The following ADAM9 variants were observed in gnomAD, a reference collection of about 807,000 sequenced individuals.
The protein encoded by ADAM9 is ADAM metallopeptidase domain 9.
ADAM9 carries 54 observed loss-of-function variants against 108.1 expected under a neutral mutation model. That is an observed-to-expected ratio of 0.50 (90% confidence interval 0.40 to 0.63). The LOEUF (loss-of-function observed/expected upper bound fraction) is 0.63. Among genes scored for constraint, ADAM9 ranks in the 20% least tolerant of loss-of-function variants. The pLI, the probability that ADAM9 is intolerant of heterozygous loss-of-function variation, is 0.00. For missense variants in ADAM9, 830 were observed against 997.7 expected (o/e 0.83, Z 2.26); for synonymous variants, 316 against 336.0 (o/e 0.94, Z 0.65).
intron 12 of ADAM9, among the ~76,000 whole-genome samples, chr8:39,045,315 CA>C (rs1588377310): frequency 6.9e-6 from 1 of 144,544 alleles, no homozygotes; most frequent in East Asian, 2.1e-4. Flanking sequence ...TGTGTGTGTA[CA>C]CCTATACATG....
intron 1 of ADAM9, 25 bp from the exon 2 acceptor site, chr8:39,007,856 TTATTA>T: frequency 6.7e-7 from 1 of 1,483,618 alleles, no homozygotes; most frequent in South Asian, 1.1e-5. Context: ...TCAGTTTCAC[TTATTA>T]TATTTGTTTT....
At chr8:39,087,650 T>C (rs934638196) in intron 18 of ADAM9, among the ~76,000 whole-genome samples, 1 of 152,242 alleles carries the variant, frequency 6.6e-6, no homozygotes, top group Non-Finnish European at 1.5e-5. Flanking sequence ...TAATAAATGA[T>C]ACATTTGTGT....
intron 15 of ADAM9, among the ~76,000 whole-genome samples, chr8:39,074,429 C>T (rs886731562): frequency 6.6e-6 from 1 of 152,058 alleles, no homozygotes; most frequent in South Asian, 2.1e-4. Context: ...CAGACCAAGA[C>T]ATTATTAATG....
At chr8:39,045,073 T>C (rs1326035673) in intron 12 of ADAM9, among the ~76,000 whole-genome samples, 2 of 31,962 alleles carry the variant, frequency 6.3e-5, no homozygotes, top group Non-Finnish European at 1.1e-4. Flanking sequence ...TACATACATA[T>C]GTGTGTGTGC....
intron 16 of ADAM9, among the ~76,000 whole-genome samples, chr8:39,079,829 C>A (rs1838965009): frequency 6.6e-6 from 1 of 152,212 alleles, no homozygotes; most frequent in South Asian, 2.1e-4. Context: ...AAGTGATCTG[C>A]CTGCCTTGGC....
rs949485820 is a variant in ADAM9, at chr8:39,083,084, T to C, written c.2068+11T>C. ...GACCTACATACAATGGCAAGTAATA[T>C]AGAAGAAAATTAGTGTGATCTCCCA... is the stretch of plus-strand genomic sequence containing the variant. On this transcript the variant is annotated intron_variant, in intron 18 of 21. Transcript: ENST00000487273. 10 of 1,608,440 alleles carry C rather than the reference T, an allele frequency of 6.2e-6. No homozygotes were observed. Among genetic ancestry groups the C allele is most frequent in the Admixed American group, 1.7e-5 (1 of 59,946 alleles).
chr8:39,100,207 C>T (rs1222838780), intron 20 of ADAM9, among the ~76,000 whole-genome samples: 9 of 151,620 alleles, frequency 5.9e-5, no homozygotes, highest in Non-Finnish European at 8.8e-5. Flanking sequence ...AAGATTCAGT[C>T]GGCTGGGCGC....
chr8:39,045,321 T>C (rs111216004), intron 12 of ADAM9, among the ~76,000 whole-genome samples: 31,863 of 101,780 alleles, frequency 0.31, 7,238 homozygotes, highest in East Asian at 0.7. Context: ...TGTACACCTA[T>C]ACATGTGTGT....
At chr8:39,010,649 A>G (rs1395794893) in intron 2 of ADAM9, among the ~76,000 whole-genome samples, 3 of 152,226 alleles carry the variant, frequency 2.0e-5, no homozygotes, top group Admixed American at 6.5e-5. Flanking sequence ...GGCTAATGAC[A>G]TGGTGAATTG....
chr8:39,091,321 C>G lies in ADAM9; in HGVS notation c.2273C>G (p.Ser758Cys). The change falls in exon 20 of 22, where the codon TCT becomes TGT. Residue 758 changes from serine (S) to cysteine (C), a missense_variant. Around this residue, in one of 3 missense-constraint regions of ADAM9, gnomAD observed 238 missense variants for 235.7 expected, o/e 1.01. Coordinates refer to ENST00000487273, the MANE Select transcript of ADAM9 (RefSeq NM_003816.3). ...RQPGSVPRHV[S>C]PVTPPREVPI... ...CCGGGGAGTGTTCCTCGACATGTTT[C>G]TCCAGTGACACCTCCCAGAGAAGTT... The G allele has an allele frequency of 6.2e-7, 1 of 1,614,084 alleles. No individual in the cohort carries two copies. Among genetic ancestry groups the G allele is most frequent in the Non-Finnish European group, 8.5e-7 (1 of 1,179,978 alleles).
intron 11 of ADAM9, among the ~76,000 whole-genome samples, chr8:39,028,205 A>C (rs912862013): frequency 6.6e-5 from 10 of 152,228 alleles, no homozygotes; most frequent in African/African-American, 2.4e-4. Flanking sequence ...ACTTCTGTCA[A>C]CCAGCCTTTC....
At chr8:39,013,026 C>T (rs1191648202) in intron 3 of ADAM9, among the ~76,000 whole-genome samples, 1 of 152,106 alleles carries the variant, frequency 6.6e-6, no homozygotes, top group Non-Finnish European at 1.5e-5. Context: ...ATTTATGAAT[C>T]ACTAGTTAGC....
At chr8:39,079,419 A>G (rs1022272824) in intron 16 of ADAM9, among the ~76,000 whole-genome samples, 1 of 151,538 alleles carries the variant, frequency 6.6e-6, no homozygotes, top group African/African-American at 2.4e-5. Flanking sequence ...GCATCTTTCC[A>G]TGTCTTTATT....
chr8:39,102,337 G>T (rs1450116400), intron 21 of ADAM9, among the ~76,000 whole-genome samples: 1 of 152,204 alleles, frequency 6.6e-6, no homozygotes, highest in Non-Finnish European at 1.5e-5. Flanking sequence ...TGGGGGTAAG[G>T]TCAGGAGAGG....
At chr8:39,026,030 C>G in intron 10 of ADAM9, 146 bp downstream of exon 10, 3 of 773,554 alleles carry the variant, frequency 3.9e-6, no homozygotes, top group Non-Finnish European at 6.6e-6. Flanking sequence ...GGGTTCTTTC[C>G]CCAGAGACTG....
chr8:39,055,832 T>C lies in ADAM9; in HGVS notation c.1591+60T>C, dbSNP rs533873253. On this transcript the variant is annotated intron_variant, in intron 14 of 21. Coordinates refer to ENST00000487273, the MANE Select transcript of ADAM9 (RefSeq NM_003816.3). ...TATTATTTATTTTTGATTTAGATAT[T>C]TTAAAAAAGGTAATGAAACATTATT... The C allele has an allele frequency of 3.3e-6, 5 of 1,503,788 alleles. No individual in the cohort carries two copies. The South Asian group carries it at 5.9e-5, about 18-fold the overall frequency. The allele number at this position is 1,503,788 out of a possible 1,614,324, so 93.2% of individuals were successfully genotyped here. A position where few individuals can be genotyped will look rare whatever the true frequency, so the allele number is the denominator to read the frequency against.
intron 18 of ADAM9, among the ~76,000 whole-genome samples, chr8:39,089,126 G>A (rs60445962): frequency 7.8e-4 from 118 of 152,228 alleles, no homozygotes; most frequent in African/African-American, 2.7e-3. Flanking sequence ...GCGCATACCT[G>A]TAATCCCAGC....
chr8:39,008,065 G>C, intron 2 of ADAM9, 82 bp downstream of exon 2: 1 of 1,019,346 alleles, frequency 9.8e-7, no homozygotes, highest in Non-Finnish European at 1.5e-6. Flanking sequence ...TTGTAGCAGT[G>C]ATCAGTTCAG....
Position 39,072,370 on chromosome 8 carries a change from T to G in ADAM9, c.1697+967T>G, listed in dbSNP as rs191608010. Among the ~76,000 whole-genome samples the G allele has an allele frequency of 8.3e-4, 127 of 152,346 alleles. 1 individual carries two copies. The highest frequency in any genetic ancestry group is 2.9e-3 in the African/African-American group (122 of 41,582). On this transcript the variant is annotated intron_variant, in intron 15 of 21. Coordinates refer to ENST00000487273, the MANE Select transcript of ADAM9 (RefSeq NM_003816.3). ...TAAAACAGTGCTTGCTAAGAAGAAA[T>G]AGCAACAAAGACCCCCATGTCACTC...
Sources: gnomAD v4.1 joint callset for allele counts (sites outside exome capture counted in the v4.1 genomes callset) on GRCh38, gnomAD v4.1.1 for gene constraint, gnomAD v4.1.1 regional missense constraint, MANE v1.5 for transcripts, NCBI Gene and HGNC (gene_info 2026-07-23, HGNC 2026-07-21) for gene names.